Variants in EXOSC1 observed in about 807,000 individuals in gnomAD.
The protein encoded by EXOSC1 is exosome component 1.
EXOSC1 carries 27 observed loss-of-function variants against 31.4 expected under a neutral mutation model. The ratio of observed to expected loss-of-function variants is 0.86; its 90% CI spans 0.63 to 1.18. EXOSC1 has a LOEUF of 1.18. EXOSC1 is among the 50% of genes most tolerant of loss of function. EXOSC1 has a pLI of 0.00. For synonymous variants in EXOSC1, 84 were observed against 89.5 expected (o/e 0.94, Z 0.35); for missense variants, 228 against 250.3 (o/e 0.91, Z 0.60).
intron 5 of EXOSC1, 102 bp from the exon 6 acceptor site, chr10:97,437,852 G>T: frequency 1.1e-6 from 1 of 930,462 alleles, no homozygotes. Context: ...AATCCTGGAG[G>T]GTAGAAATCA....
chr10:97,437,946 G>T (rs188506751), intron 5 of EXOSC1, among the ~76,000 whole-genome samples, 196 bp from the exon 6 acceptor site: 3 of 151,860 alleles, frequency 2.0e-5, no homozygotes, highest in Non-Finnish European at 4.4e-5. Flanking sequence ...TTGAGATGGA[G>T]TCTCGCTCTG....
chr10:97,437,032 C>G (rs1490198138), intron 7 of EXOSC1, among the ~76,000 whole-genome samples, 159 bp downstream of exon 7: 4 of 152,212 alleles, frequency 2.6e-5, no homozygotes, highest in East Asian at 1.9e-4. Flanking sequence ...CCACCACCAC[C>G]AGCACCAAGC....
chr10:97,441,733 G>A (rs1422351589), intron 3 of EXOSC1, among the ~76,000 whole-genome samples: 1 of 149,428 alleles, frequency 6.7e-6, no homozygotes, highest in African/African-American at 2.5e-5. Flanking sequence ...CAGGTGATTC[G>A]CCTGCTTCAG....
In EXOSC1 at chr10:97,443,249, A is replaced by G; in HGVS notation, c.210T>C (p.Ile70=). Residue 70 remains isoleucine (I), a synonymous_variant, in exon 3 of 8, where the codon ATT becomes ATC. Coordinates refer to ENST00000370902, the MANE Select transcript of EXOSC1 (RefSeq NM_016046.5). ...AGGACCAACTTACCTTACAGGTTAC[A>G]ATAGCTCCCACATCTGGCAGTAACT... ...ESQLLPDVGA[I]VTCKVSSINS... is the part of the protein sequence containing the mutation. 6.2e-7 allele frequency: 1 copy of G among 1,614,106 alleles called. No homozygotes were observed. The highest frequency in any genetic ancestry group is 1.1e-5 in the South Asian group (1 of 91,072).
intron 6 of EXOSC1, 39 bp from the exon 7 acceptor site, chr10:97,437,314 G>A (rs775749388): frequency 1.2e-5 from 18 of 1,525,234 alleles, no homozygotes; most frequent in Middle Eastern, 1.7e-4. Context: ...TGAGGAGTTA[G>A]AAGTCTTCCC....
chr10:97,436,322 A>G lies in EXOSC1; in HGVS notation c.*123T>C. The G allele has an allele frequency of 1.4e-6, 1 of 730,706 alleles. No homozygotes were observed. The allele number at this position is 730,706 out of a possible 1,614,324, so 45.3% of individuals were successfully genotyped here. ...CAGAAACATGTTCCATCTACAGCGT[A>G]AACTGGAAGATTTTTCTGGAAGTGG... is the stretch of plus-strand genomic sequence containing the variant. On this transcript the variant is annotated 3_prime_UTR_variant, in exon 8 of 8. Coordinates refer to ENST00000370902, the MANE Select transcript of EXOSC1 (RefSeq NM_016046.5).
At position 97,436,249 on chromosome 10, in the gene EXOSC1, AAAGAT is replaced by A. The variant is rs1213192360; in HGVS notation, c.*191_*195del. 1.2e-5 allele frequency: 6 copies of A among 489,344 alleles called. No homozygotes were observed. In the East Asian group the frequency reaches 1.7e-4, roughly 14 times the overall value. 30.3% of individuals were successfully genotyped at this position (489,344 alleles called of 1,614,324 possible). A position where few individuals can be genotyped will look rare whatever the true frequency, so the allele number is the denominator to read the frequency against. ...ACAGTTTTGTTTGTTGGTGCCTTGA[AAAGAT>A]AAGATTTATTACTCAAGAGAATGAA... On this transcript the variant is annotated 3_prime_UTR_variant, in exon 8 of 8. Transcript: ENST00000370902.
intron 5 of EXOSC1, 112 bp downstream of exon 5, chr10:97,438,558 G>T: frequency 1.0e-6 from 1 of 961,704 alleles, no homozygotes; most frequent in Non-Finnish European, 1.6e-6. Flanking sequence ...TCCCGCCTCA[G>T]CCTCCCAAAG....
chr10:97,439,558 C>T (rs1190645941), intron 4 of EXOSC1, among the ~76,000 whole-genome samples: 1 of 152,160 alleles, frequency 6.6e-6, no homozygotes. Context: ...ATGGGACCAT[C>T]GAATTGCAGG....
intron 2 of EXOSC1, chr10:97,444,133 C>T (rs1383572772): frequency 6.6e-6 from 1 of 152,188 alleles, no homozygotes; most frequent in African/African-American, 2.4e-5. Context: ...CTGCTTCCTT[C>T]TGTTTCTTAT....
At chr10:97,437,041 G>T in intron 7 of EXOSC1, 150 bp downstream of exon 7, 1 of 772,138 alleles carries the variant, frequency 1.3e-6, no homozygotes, top group East Asian at 2.5e-5. Flanking sequence ...CCAGCACCAA[G>T]CAAAAAAGAA....
At chr10:97,439,852 G>C (rs191326311) in intron 4 of EXOSC1, among the ~76,000 whole-genome samples, 357 of 152,028 alleles carry the variant, frequency 2.3e-3, no homozygotes, top group Non-Finnish European at 3.4e-3. Flanking sequence ...AGAAATGTTT[G>C]TCCTTTCTCA....
intron 5 of EXOSC1, 121 bp downstream of exon 5, chr10:97,438,549 C>G: frequency 2.3e-6 from 2 of 874,076 alleles, no homozygotes; most frequent in South Asian, 1.6e-5. Context: ...AAGTGATCCT[C>G]CCGCCTCAGC....
In EXOSC1 at chr10:97,445,999, C is replaced by G; in HGVS notation, c.-14G>C. 1 of 1,614,226 alleles carries G rather than the reference C, an allele frequency of 6.2e-7. No individual in the cohort carries two copies. ...AGGTGGCGCCATGATTGCCGCTGTC[C>G]CAAAACCAGGATGAAAACGAAGTCG... is the stretch of plus-strand genomic sequence containing the variant. On this transcript the variant is annotated 5_prime_UTR_variant, in exon 1 of 8. Transcript: ENST00000370902.
At position 97,445,951 on chromosome 10, in the gene EXOSC1, T is replaced by C. The variant is rs1283903743; in HGVS notation, c.31+4A>G. 1 of 1,614,154 alleles carries C rather than the reference T, an allele frequency of 6.2e-7. No homozygotes were observed. On this transcript the variant is annotated splice_donor_region_variant and intron_variant, in intron 1 of 7. Coordinates refer to ENST00000370902, the MANE Select transcript of EXOSC1 (RefSeq NM_016046.5). ...AGGACTCTGTACGGGAAGCGCTCACTTACCGGGGATGCAGTATCTCACAGG... is the reference window on the plus strand; with the variant it reads ...AGGACTCTGTACGGGAAGCGCTCACCTACCGGGGATGCAGTATCTCACAGG...
intron 3 of EXOSC1, 74 bp downstream of exon 3, chr10:97,443,163 C>A: frequency 8.1e-7 from 1 of 1,231,100 alleles, no homozygotes; most frequent in South Asian, 1.3e-5. Context: ...TCATACTGGA[C>A]ACTGCAGTTC....
At chr10:97,442,782 G>C (rs1267884191) in intron 3 of EXOSC1, among the ~76,000 whole-genome samples, 1 of 152,164 alleles carries the variant, frequency 6.6e-6, no homozygotes, top group Non-Finnish European at 1.5e-5. Flanking sequence ...CTGGGTTCAA[G>C]CACTTCTCCT....
intron 3 of EXOSC1, 81 bp downstream of exon 3, chr10:97,443,156 T>C: frequency 8.5e-7 from 1 of 1,173,906 alleles, no homozygotes; most frequent in South Asian, 1.3e-5. Context: ...GTGGCTATCA[T>C]ACTGGACACT....
In EXOSC1 at chr10:97,437,177, C is replaced by T. The variant is rs200707307; in HGVS notation, c.481+14G>A. ...TCCAGGGAAAGTAAGGATGTGGAAA[C>T]AAGGCCATCTCACCTGACTCACTGT... is the stretch of plus-strand genomic sequence containing the variant. On this transcript the variant is annotated intron_variant, in intron 7 of 7. Transcript: ENST00000370902. 7 of 1,611,956 alleles carry T rather than the reference C, an allele frequency of 4.3e-6. No individual in the cohort carries two copies. Among genetic ancestry groups the T allele is most frequent in the South Asian group, 1.1e-5 (1 of 90,964 alleles).
Sources: allele counts gnomAD v4.1 joint callset (sites outside exome capture counted in the v4.1 genomes callset), GRCh38; gene constraint gnomAD v4.1.1; transcripts MANE v1.5; gene names NCBI Gene and HGNC (gene_info 2026-07-23, HGNC 2026-07-21).